TM4SF19: variants seen among roughly 807,000 people sequenced by gnomAD.
The protein encoded by TM4SF19 is transmembrane 4 L6 family member 19.
Under a neutral mutation model 21.8 loss-of-function variants are expected in TM4SF19, and 17 were observed. The ratio of observed to expected loss-of-function variants is 0.78; its 90% confidence interval spans 0.53 to 1.17. TM4SF19 has a LOEUF of 1.17. Among genes scored for constraint, TM4SF19 ranks in the 50% most tolerant of loss-of-function variants. The pLI, the probability that TM4SF19 is intolerant of heterozygous loss-of-function variation, is 0.00. For synonymous variants in TM4SF19, 107 were observed against 106.7 expected, an observed-to-expected ratio of 1.00 and a Z score of -0.02; for missense variants, 216 against 252.1, an observed-to-expected ratio of 0.86 and a Z score of 0.97.
In TM4SF19 at chr3:196,325,548, A is replaced by G. The variant is rs1727252477; in HGVS notation, c.280-1108T>C. On this transcript the variant is annotated intron_variant, in intron 3 of 4. Transcript: ENST00000273695. This position sits in a 1 kb window ranked among gnomAD's most constrained non-coding sequence, Gnocchi z 4.3. The stretch of plus-strand genomic sequence containing the variant: ...TCTAGATTTTTTTCTCCCTCCCCCA[A>G]AAATGCCTATTTTAAAAATGTGAAT... The G allele has an allele frequency of 6.6e-6, 1 of 152,098 alleles. No homozygotes were observed. Among genetic ancestry groups the G allele is most frequent in the South Asian group, 2.1e-4 (1 of 4,828 alleles). 9.4% of individuals were successfully genotyped at this position (152,098 alleles called of 1,614,324 possible).
chr3:196,326,473 A>G (rs1727296733), intron 3 of TM4SF19, among the ~76,000 whole-genome samples: 1 of 152,136 alleles, frequency 6.6e-6, no homozygotes, highest in Non-Finnish European at 1.5e-5. Flanking sequence ...GCTGTAATTA[A>G]TAAGGTAGAA....
At chr3:196,331,284 A>AT (rs35020615) in intron 1 of TM4SF19, among the ~76,000 whole-genome samples, 5,546 of 149,118 alleles carry the variant, frequency 0.037, 123 homozygotes, top group African/African-American at 0.04. Flanking sequence ...CTAAAAAAAA[A>AT]ATATATATAT....
At chr3:196,337,226 T>C (rs904034207) in intron 1 of TM4SF19, among the ~76,000 whole-genome samples, 1 of 151,868 alleles carries the variant, frequency 6.6e-6, no homozygotes, top group Non-Finnish European at 1.5e-5. Context: ...GCCCGGCTAA[T>C]TTTGTATTTT....
rs4916485 is a variant in TM4SF19, at chr3:196,325,686, G to A, written c.280-1246C>T. 53,787 of 152,082 alleles carry A rather than the reference G, an allele frequency of 0.35. 10,464 individuals are homozygous for A. Among genetic ancestry groups the A allele is most frequent in the East Asian group, 0.81 (4,194 of 5,160 alleles). The allele number at this position is 152,082 out of a possible 1,614,324, so 9.4% of individuals were successfully genotyped here. The stretch of plus-strand genomic sequence containing the variant: ...AAGGTGCATAGTAAGTTTTGACTCT[G>A]AGTTAAAGGAGTCAAGATGAATCAG... On this transcript the variant is annotated intron_variant, in intron 3 of 4. Coordinates refer to ENST00000273695, the MANE Select transcript of TM4SF19 (RefSeq NM_138461.4). The surrounding 1 kb of genome is among the most constrained non-coding windows in gnomAD (Gnocchi z 4.3).
chr3:196,330,724 C>T (rs895514206), intron 1 of TM4SF19, among the ~76,000 whole-genome samples: 1 of 152,104 alleles, frequency 6.6e-6, no homozygotes, highest in Non-Finnish European at 1.5e-5. Flanking sequence ...TAGTATGGGG[C>T]ATGGGAAGCT....
chr3:196,327,742 A>G, intron 1 of TM4SF19, 151 bp from the exon 2 acceptor site: 1 of 627,450 alleles, frequency 1.6e-6, no homozygotes, highest in East Asian at 2.8e-5. Context: ...CTGCTTAAAA[A>G]CTCTGCTCCT....
chr3:196,328,873 C>T (rs1727405654), intron 1 of TM4SF19, among the ~76,000 whole-genome samples: 1 of 152,134 alleles, frequency 6.6e-6, no homozygotes, highest in Non-Finnish European at 1.5e-5. Context: ...ACACTGAAGC[C>T]ACGCGTAAGG....
chr3:196,334,624 T>C (rs1240956038), intron 1 of TM4SF19, among the ~76,000 whole-genome samples: 19 of 152,066 alleles, frequency 1.2e-4, no homozygotes, highest in Admixed American at 1.2e-3. Flanking sequence ...CGGCTAATTT[T>C]TGTATTTTTA....
chr3:196,327,444 G>A lies in TM4SF19; in HGVS notation c.147C>T (p.Gly49=). ...CCAGCATGGCATGCCTGCCAAGGAG[G>A]CCCCTCAACAGGTAGGTGACATCCC... ...PNWDVTYLLR[G]LLGRHAMLGT... Residue 49 remains glycine, a synonymous_variant, in exon 2 of 5, where the codon GGC becomes GGT. Coordinates refer to ENST00000273695, the MANE Select transcript of TM4SF19 (RefSeq NM_138461.4). 6.2e-7 allele frequency: 1 copy of A among 1,614,176 alleles called. No individual in the cohort carries two copies. Among genetic ancestry groups the A allele is most frequent in the East Asian group, 2.2e-5 (1 of 44,892 alleles).
At chr3:196,333,337 A>G (rs1258958511) in intron 1 of TM4SF19, among the ~76,000 whole-genome samples, 1 of 152,230 alleles carries the variant, frequency 6.6e-6, no homozygotes, top group Admixed American at 6.5e-5. Context: ...TTTCCTATAC[A>G]TACATATCTG....
At chr3:196,327,139 C>A in intron 2 of TM4SF19, 107 bp from the exon 3 acceptor site, 1 of 916,126 alleles carries the variant, frequency 1.1e-6, no homozygotes, top group Admixed American at 2.1e-5. Flanking sequence ...GAACGCAGTC[C>A]TGTTGACTCT....
rs1359602494 is a variant in TM4SF19, at chr3:196,338,254, C to T, written c.-2+10G>A. The T allele has an allele frequency of 6.6e-6, 1 of 152,304 alleles. No individual in the cohort carries two copies. Among genetic ancestry groups the T allele is most frequent in the East Asian group, 1.9e-4 (1 of 5,198 alleles). 9.4% of individuals were successfully genotyped at this position (152,304 alleles called of 1,614,324 possible). A position where few individuals can be genotyped will look rare whatever the true frequency, so the allele number is the denominator to read the frequency against. ...CCTGGCCGTCACCTCACCCTTTCAT[C>T]TCTGCTTACCTGCATCTGGTGTCAA... On this transcript the variant is annotated intron_variant, in intron 1 of 4. Coordinates refer to ENST00000273695, the MANE Select transcript of TM4SF19 (RefSeq NM_138461.4).
At chr3:196,334,336 C>T (rs1368797788) in intron 1 of TM4SF19, among the ~76,000 whole-genome samples, 3 of 151,552 alleles carry the variant, frequency 2.0e-5, no homozygotes, top group East Asian at 1.9e-4. Context: ...CTTGTTTAGT[C>T]GGGTGTTTTC....
In TM4SF19 at chr3:196,329,132, C is replaced by T. The variant is rs1028457057; in HGVS notation, c.-1-1541G>A. Among the ~76,000 whole-genome samples, 30 of 125,360 alleles carry T rather than the reference C, an allele frequency of 2.4e-4. 6 individuals carry two copies. The highest frequency in any genetic ancestry group is 8.0e-4 in the African/African-American group (30 of 37,464). 82.2% of individuals were successfully genotyped at this position (125,360 alleles called of 152,430 possible). A position where few individuals can be genotyped will look rare whatever the true frequency, so the allele number is the denominator to read the frequency against. ...TAATTTTTTGTATTTTTAGTAGAGA[C>T]GGGGTTTCACCGTGTTAGCCAGGAC... is the stretch of plus-strand genomic sequence containing the variant. On this transcript the variant is annotated intron_variant, in intron 1 of 4. Transcript: ENST00000273695.
In TM4SF19 at chr3:196,327,556, C is replaced by T. The variant is rs772305981; in HGVS notation, c.35G>A (p.Arg12Gln). The T allele has an allele frequency of 4.2e-5, 67 of 1,613,574 alleles. No homozygotes were observed. The Middle Eastern group carries it at 5.0e-4, about 12-fold the overall frequency. ...VSSPCTQASS[R>Q]TCSRILGLSL... Reference sequence around the variant, plus strand: ...CAGTCCCAGGATACGGGAGCAAGTCCGTGAGCTTGCCTGCGTGCAGGGAGA... The same window carrying T: ...CAGTCCCAGGATACGGGAGCAAGTCTGTGAGCTTGCCTGCGTGCAGGGAGA... Residue 12 changes from arginine to glutamine, a missense_variant, in exon 2 of 5, where the codon CGG becomes CAG. Coordinates refer to ENST00000273695, the MANE Select transcript of TM4SF19 (RefSeq NM_138461.4).
In TM4SF19 at chr3:196,323,699, T is replaced by C. The variant is rs751370491; in HGVS notation, c.*118A>G. 2 of 1,559,172 alleles carry C rather than the reference T, an allele frequency of 1.3e-6. No individual in the cohort carries two copies. The highest frequency in any genetic ancestry group is 2.3e-5 in the East Asian group (1 of 42,966). ...CCTGCAGTGAATTTTGTTGTCATTATTACTCCAGGGATACCTAAAGGGGAA... is the reference window on the plus strand; with the variant it reads ...CCTGCAGTGAATTTTGTTGTCATTACTACTCCAGGGATACCTAAAGGGGAA... On this transcript the variant is annotated 3_prime_UTR_variant, in exon 5 of 5. Coordinates refer to ENST00000273695, the MANE Select transcript of TM4SF19 (RefSeq NM_138461.4).
chr3:196,337,753 GTACTT>G (rs752149271), intron 1 of TM4SF19, among the ~76,000 whole-genome samples: 1 of 152,134 alleles, frequency 6.6e-6, no homozygotes, highest in Non-Finnish European at 1.5e-5. Flanking sequence ...TTTTCCAAGT[GTACTT>G]TACTTCCTTT....
At chr3:196,336,170 C>G (rs1169367418) in intron 1 of TM4SF19, among the ~76,000 whole-genome samples, 1 of 151,754 alleles carries the variant, frequency 6.6e-6, no homozygotes, top group Non-Finnish European at 1.5e-5. Flanking sequence ...CAGAGTTTCA[C>G]TCTTGTTGCC....
At chr3:196,335,356 T>G (rs1456327632) in intron 1 of TM4SF19, among the ~76,000 whole-genome samples, 2 of 34,320 alleles carry the variant, frequency 5.8e-5, no homozygotes, top group African/African-American at 1.3e-4. Context: ...AGGGGTGCAC[T>G]GGGAGGGTGG....
Sources: allele counts gnomAD v4.1 joint callset (sites outside exome capture counted in the v4.1 genomes callset), GRCh38; gene constraint gnomAD v4.1.1; non-coding constraint Gnocchi (gnomAD v3.1); transcripts MANE v1.5; gene names NCBI Gene and HGNC (gene_info 2026-07-23, HGNC 2026-07-21).